Variants in LKAAEAR1 observed in about 807,000 individuals in gnomAD.
LKAAEAR1 encodes the protein LKAAEAR motif containing 1.
LKAAEAR1 carries 19 observed loss-of-function variants against 16.5 expected under a neutral mutation model. The ratio of observed to expected loss-of-function variants is 1.15; its 90% CI spans 0.80 to 1.69. LKAAEAR1 has a LOEUF of 1.69. Among genes scored for constraint, LKAAEAR1 ranks in the 40% most tolerant of loss-of-function variants. LKAAEAR1 has a pLI of 0.00. For missense variants in LKAAEAR1, 304 were observed against 315.8 expected (o/e 0.96, Z 0.28); for synonymous variants, 124 against 152.7 (o/e 0.81, Z 1.39).
Position 64,083,474 on chromosome 20 carries a change from G to A in LKAAEAR1, c.546C>T (p.Ile182=), listed in dbSNP as rs1159948061. The A allele has an allele frequency of 1.9e-6, 3 of 1,604,318 alleles. No homozygotes were observed. Among genetic ancestry groups the A allele is most frequent in the Non-Finnish European group, 1.7e-6 (2 of 1,176,418 alleles). The change falls in exon 3 of 3, where the codon ATC becomes ATT. Residue 182 remains isoleucine, a synonymous_variant. Transcript: ENST00000302096. The surrounding 1 kb of genome is among the most constrained non-coding windows in gnomAD (Gnocchi z 4.9). ...DRQERRRVET[I]LEENVDGTIF... is the part of the protein sequence containing the mutation. ...TGGTGCCATCCACGTTCTCCTCCAG[G>A]ATGGTCTCCACGCGCCTCCGCTGCC...
chr20:64,083,523 G>C lies in LKAAEAR1; in HGVS notation c.526-29C>G, dbSNP rs766099298. ...CCGGGGAGAGAGGCTGGGGTCCGGCGTGTGCGGAGGCGGGCAGGGCCCCTC... is the reference window on the plus strand; with the variant it reads ...CCGGGGAGAGAGGCTGGGGTCCGGCCTGTGCGGAGGCGGGCAGGGCCCCTC... On this transcript the variant is annotated intron_variant, in intron 2 of 2. Coordinates refer to ENST00000302096, the MANE Select transcript of LKAAEAR1 (RefSeq NM_001353425.2). This position sits in a 1 kb window ranked among gnomAD's most constrained non-coding sequence, Gnocchi z 4.9. The C allele has an allele frequency of 3.2e-6, 5 of 1,568,046 alleles. No individual in the cohort carries two copies. The African/African-American group carries it at 5.4e-5, about 17-fold the overall frequency.
At position 64,084,023 on chromosome 20, in the gene LKAAEAR1, C is replaced by G. The variant is rs767016519; in HGVS notation, c.197G>C (p.Gly66Ala). The change falls in exon 1 of 3, where the codon GGC (glycine) becomes GCC (alanine). Residue 66 changes from glycine (G) to alanine (A), a missense_variant. By Grantham distance (60) the Gly-to-Ala change is moderately conservative (BLOSUM62 0). Coordinates refer to ENST00000302096, the MANE Select transcript of LKAAEAR1 (RefSeq NM_001353425.2). ...CGCGCCCACGTCCTCCAGCAGGTCG[C>G]CGAAGAGCAGATGGCGGTGGCGCTG... is the stretch of plus-strand genomic sequence containing the variant. ...PAQRHRHLLF[G>A]DLLEDVGAAA... The G allele has an allele frequency of 2.1e-5, 31 of 1,503,700 alleles. No individual in the cohort carries two copies. The South Asian group carries it at 3.4e-4, about 16-fold the overall frequency. The allele number at this position is 1,503,700 out of a possible 1,614,324, so 93.1% of individuals were successfully genotyped here. A position where few individuals can be genotyped will look rare whatever the true frequency, so the allele number is the denominator to read the frequency against.
At position 64,083,601 on chromosome 20, in the gene LKAAEAR1, G is replaced by C. The variant is rs1455091263; in HGVS notation, c.507C>G (p.Asp169Glu). The C allele has an allele frequency of 1.3e-6, 2 of 1,486,302 alleles. No homozygotes were observed. The highest frequency in any genetic ancestry group is 1.3e-5 in the South Asian group (1 of 77,890). 92.1% of individuals were successfully genotyped at this position (1,486,302 alleles called of 1,614,324 possible). Residue 169 changes from aspartate (D) to glutamate (E), a missense_variant, in exon 2 of 3, where the codon GAC (aspartate) becomes GAG (glutamate). By Grantham distance (45) the Asp-to-Glu change is conservative. Transcript: ENST00000302096. The surrounding 1 kb of genome is among the most constrained non-coding windows in gnomAD (Gnocchi z 4.9). ...TCTGCACCTCTTGGCGGTCCAGGGG[G>C]TCCGGGATCCGCGCGGGCTTCAGCT... is the stretch of plus-strand genomic sequence containing the variant. The part of the protein sequence containing the change: ...PPQLKPARIP[D>E]PLDRQERRRV...
Position 64,084,174 on chromosome 20 carries a change from G to A in LKAAEAR1, c.46C>T (p.Arg16Ter). 1 of 1,449,758 alleles carries A rather than the reference G, an allele frequency of 6.9e-7. No homozygotes were observed. The highest frequency in any genetic ancestry group is 1.4e-5 in the South Asian group (1 of 73,908). 89.8% of individuals were successfully genotyped at this position (1,449,758 alleles called of 1,614,324 possible). A position where few individuals can be genotyped will look rare whatever the true frequency, so the allele number is the denominator to read the frequency against. Residue 16 changes from arginine to a stop codon, truncating the protein, a stop_gained, in exon 1 of 3, where the codon CGA becomes TGA. Transcript: ENST00000302096. LOFTEE classifies it high-confidence loss of function. ...GTGCCTGGCGCGCTCTTCCCGCTTC[G>A]CTCCCGCGGGCCCTTGCGCCCGCCC... ...KEGGRKGPRE[R>*]SGKSAPGTAQ...
Position 64,083,541 on chromosome 20 carries a change from G to T in LKAAEAR1, c.525+42C>A. 6.5e-7 allele frequency: 1 copy of T among 1,546,502 alleles called. No homozygotes were observed. The highest frequency in any genetic ancestry group is 8.7e-7 in the Non-Finnish European group (1 of 1,145,412). The stretch of plus-strand genomic sequence containing the variant: ...GTCCGGCGTGTGCGGAGGCGGGCAG[G>T]GCCCCTCCCCTTTCCCCGCCCCTAC... On this transcript the variant is annotated intron_variant, in intron 2 of 2. Coordinates refer to ENST00000302096, the MANE Select transcript of LKAAEAR1 (RefSeq NM_001353425.2). The surrounding 1 kb of genome is among the most constrained non-coding windows in gnomAD (Gnocchi z 4.9).
rs762691923 is a variant in LKAAEAR1 at position 64,083,520 on chromosome 20, G to C, written c.526-26C>G. The C allele has an allele frequency of 1.3e-5, 21 of 1,572,100 alleles. No individual in the cohort carries two copies. Among genetic ancestry groups the C allele is most frequent in the Non-Finnish European group, 1.8e-5 (21 of 1,159,754 alleles). ...CTGCCGGGGAGAGAGGCTGGGGTCC[G>C]GCGTGTGCGGAGGCGGGCAGGGCCC... is the stretch of plus-strand genomic sequence containing the variant. On this transcript the variant is annotated intron_variant, in intron 2 of 2. Coordinates refer to ENST00000302096, the MANE Select transcript of LKAAEAR1 (RefSeq NM_001353425.2). The surrounding 1 kb of genome is among the most constrained non-coding windows in gnomAD (Gnocchi z 4.9).
rs2059996124 is a variant in LKAAEAR1, at chr20:64,083,590, C to T, written c.518G>A (p.Arg173His). The change falls in exon 2 of 3, where the codon CGC (arginine) becomes CAC (histidine). Residue 173 changes from arginine (R) to histidine (H), a missense_variant. Physicochemically the swap from Arg to His is conservative, Grantham distance 29. Transcript: ENST00000302096. The surrounding 1 kb of genome is among the most constrained non-coding windows in gnomAD (Gnocchi z 4.9). ...KPARIPDPLDRQERRRVETIL... is the reference protein window; with the variant it reads ...KPARIPDPLDHQERRRVETIL... The stretch of plus-strand genomic sequence containing the variant: ...ACCGGGGCTTGTCTGCACCTCTTGG[C>T]GGTCCAGGGGGTCCGGGATCCGCGC... 1 of 1,505,158 alleles carries T rather than the reference C, an allele frequency of 6.6e-7. No individual in the cohort carries two copies. Among genetic ancestry groups the T allele is most frequent in the Non-Finnish European group, 8.9e-7 (1 of 1,126,576 alleles). 93.2% of individuals were successfully genotyped at this position (1,505,158 alleles called of 1,614,324 possible). A position where few individuals can be genotyped will look rare whatever the true frequency, so the allele number is the denominator to read the frequency against.
Position 64,084,226 on chromosome 20 carries a change from G to C in LKAAEAR1, c.-7C>G. On this transcript the variant is annotated 5_prime_UTR_variant, in exon 1 of 3. Coordinates refer to ENST00000302096, the MANE Select transcript of LKAAEAR1 (RefSeq NM_001353425.2). ...CCTTCGCTGGCGGCGGCATCCTCCC[G>C]CCCTGCGGAGGGAGGAGGGCGTCCC... The C allele has an allele frequency of 7.2e-7, 1 of 1,386,834 alleles. No homozygotes were observed. The highest frequency in any genetic ancestry group is 9.3e-7 in the Non-Finnish European group (1 of 1,078,026). The allele number at this position is 1,386,834 out of a possible 1,614,324, so 85.9% of individuals were successfully genotyped here. A position where few individuals can be genotyped will look rare whatever the true frequency, so the allele number is the denominator to read the frequency against.
chr20:64,083,857 C>A lies in LKAAEAR1; in HGVS notation c.363G>T (p.Gly121=). 1.4e-6 allele frequency: 2 copies of A among 1,413,886 alleles called. No homozygotes were observed. The highest frequency in any genetic ancestry group is 2.9e-5 in the South Asian group (2 of 68,206). 87.6% of individuals were successfully genotyped at this position (1,413,886 alleles called of 1,614,324 possible). A position where few individuals can be genotyped will look rare whatever the true frequency, so the allele number is the denominator to read the frequency against. The change falls in exon 1 of 3, where the codon GGG becomes GGT. Residue 121 remains glycine (G), a synonymous_variant. Transcript: ENST00000302096. The surrounding 1 kb of genome is among the most constrained non-coding windows in gnomAD (Gnocchi z 4.9). ...LGVLKAAEAR[G]RVRALRLRYT... ...AGCGCAGCCGCAGGGCGCGGACTCG[C>A]CCGCGGGCCTCCGCTGCCTTGAGGA... is the stretch of plus-strand genomic sequence containing the variant.
At position 64,083,791 on chromosome 20, in the gene LKAAEAR1, C is replaced by T; in HGVS notation, c.402+27G>A. The T allele has an allele frequency of 1.5e-6, 2 of 1,339,304 alleles. No homozygotes were observed. Among genetic ancestry groups the T allele is most frequent in the Non-Finnish European group, 1.9e-6 (2 of 1,051,358 alleles). The allele number at this position is 1,339,304 out of a possible 1,614,324, so 83.0% of individuals were successfully genotyped here. On this transcript the variant is annotated intron_variant, in intron 1 of 2. Transcript: ENST00000302096. The surrounding 1 kb of genome is among the most constrained non-coding windows in gnomAD (Gnocchi z 4.9). ...CCGCTCAACGCTCCCGGTGCGCCCCCTCTGCCCTCCGACCCCCTCGCCTCA... is the reference window on the plus strand; with the variant it reads ...CCGCTCAACGCTCCCGGTGCGCCCCTTCTGCCCTCCGACCCCCTCGCCTCA...
In LKAAEAR1 at chr20:64,083,944, G is replaced by A. The variant is rs1236269375; in HGVS notation, c.276C>T (p.Asp92=). The A allele has an allele frequency of 6.8e-7, 1 of 1,460,406 alleles. No homozygotes were observed. The highest frequency in any genetic ancestry group is 2.5e-5 in the Admixed American group (1 of 40,636). The allele number at this position is 1,460,406 out of a possible 1,614,324, so 90.5% of individuals were successfully genotyped here. ...GSVEPGYRMP[D]PRPWTQSLEL... ...CGAGCGACTGCGTCCACGGGCGCGG[G>A]TCGGGCATGCGGTACCCCGGTTCCA... The change falls in exon 1 of 3, where the codon GAC becomes GAT. Residue 92 remains aspartate (D), a synonymous_variant. Transcript: ENST00000302096. This position sits in a 1 kb window ranked among gnomAD's most constrained non-coding sequence, Gnocchi z 4.9.
Position 64,083,951 on chromosome 20 carries a change from A to G in LKAAEAR1, c.269T>C (p.Met90Thr). The change falls in exon 1 of 3, where the codon ATG (methionine) becomes ACG (threonine). Residue 90 changes from methionine (M) to threonine (T), a missense_variant. Coordinates refer to ENST00000302096, the MANE Select transcript of LKAAEAR1 (RefSeq NM_001353425.2). This position sits in a 1 kb window ranked among gnomAD's most constrained non-coding sequence, Gnocchi z 4.9. Reference protein sequence around the residue: ...PCGSVEPGYRMPDPRPWTQSL... With the variant: ...PCGSVEPGYRTPDPRPWTQSL... ...CTGCGTCCACGGGCGCGGGTCGGGC[A>G]TGCGGTACCCCGGTTCCACCGACCC... 1 of 1,464,612 alleles carries G rather than the reference A, an allele frequency of 6.8e-7. No individual in the cohort carries two copies. Among genetic ancestry groups the G allele is most frequent in the Non-Finnish European group, 9.0e-7 (1 of 1,114,500 alleles). 90.7% of individuals were successfully genotyped at this position (1,464,612 alleles called of 1,614,324 possible).
In LKAAEAR1 at chr20:64,083,977, G is replaced by C. The variant is rs1267139814; in HGVS notation, c.243C>G (p.Cys81Trp). 1 of 1,469,760 alleles carries C rather than the reference G, an allele frequency of 6.8e-7. No homozygotes were observed. Among genetic ancestry groups the C allele is most frequent in the Non-Finnish European group, 8.9e-7 (1 of 1,118,318 alleles). 91.0% of individuals were successfully genotyped at this position (1,469,760 alleles called of 1,614,324 possible). ...TGCGGTACCCCGGTTCCACCGACCC[G>C]CACGGGAAGGTGGAGGCCGCCGCGC... The part of the protein sequence containing the change: ...DVGAAASTFP[C>W]GSVEPGYRMP... The change falls in exon 1 of 3, where the codon TGC becomes TGG. Residue 81 changes from cysteine to tryptophan, a missense_variant. Physicochemically the swap from Cys to Trp is radical, Grantham distance 215 (BLOSUM62 -2). Transcript: ENST00000302096. This position sits in a 1 kb window ranked among gnomAD's most constrained non-coding sequence, Gnocchi z 4.9.
chr20:64,083,791 C>G lies in LKAAEAR1; in HGVS notation c.402+27G>C, dbSNP rs1426177109. 1.5e-6 allele frequency: 2 copies of G among 1,339,194 alleles called. No homozygotes were observed. The highest frequency in any genetic ancestry group is 1.9e-6 in the Non-Finnish European group (2 of 1,051,368). 83.0% of individuals were successfully genotyped at this position (1,339,194 alleles called of 1,614,324 possible). ...CCGCTCAACGCTCCCGGTGCGCCCCCTCTGCCCTCCGACCCCCTCGCCTCA... is the reference window on the plus strand; with the variant it reads ...CCGCTCAACGCTCCCGGTGCGCCCCGTCTGCCCTCCGACCCCCTCGCCTCA... On this transcript the variant is annotated intron_variant, in intron 1 of 2. Coordinates refer to ENST00000302096, the MANE Select transcript of LKAAEAR1 (RefSeq NM_001353425.2). This position sits in a 1 kb window ranked among gnomAD's most constrained non-coding sequence, Gnocchi z 4.9.
At position 64,084,261 on chromosome 20, in the gene LKAAEAR1, G is replaced by A. The variant is rs1221053242; in HGVS notation, c.-42C>T. On this transcript the variant is annotated 5_prime_UTR_variant, in exon 1 of 3. Transcript: ENST00000302096. ...GGGAGGAGGGCGTCCCGTCGGTGCC[G>A]GGGCTGGCACCGGGCCCTGCCCGCC... 3.0e-6 allele frequency: 4 copies of A among 1,343,726 alleles called. No homozygotes were observed. The highest frequency in any genetic ancestry group is 3.8e-6 in the Non-Finnish European group (4 of 1,053,188). 83.2% of individuals were successfully genotyped at this position (1,343,726 alleles called of 1,614,324 possible).
Position 64,084,272 on chromosome 20 carries a change from C to T in LKAAEAR1, c.-53G>A. On this transcript the variant is annotated 5_prime_UTR_variant, in exon 1 of 3. Transcript: ENST00000302096. ...GTCCCGTCGGTGCCGGGGCTGGCAC[C>T]GGGCCCTGCCCGCCCCTCGGCAGGG... 7.5e-7 allele frequency: 1 copy of T among 1,329,096 alleles called. No homozygotes were observed. Among genetic ancestry groups the T allele is most frequent in the Non-Finnish European group, 9.6e-7 (1 of 1,044,050 alleles). The allele number at this position is 1,329,096 out of a possible 1,614,324, so 82.3% of individuals were successfully genotyped here.
At position 64,084,247 on chromosome 20, in the gene LKAAEAR1, G is replaced by A. The variant is rs1196410443; in HGVS notation, c.-28C>T. ...TCCCGCCCTGCGGAGGGAGGAGGGC[G>A]TCCCGTCGGTGCCGGGGCTGGCACC... On this transcript the variant is annotated 5_prime_UTR_variant, in exon 1 of 3. In the 5' UTR this introduces an upstream ATG that the reference lacks. Coordinates refer to ENST00000302096, the MANE Select transcript of LKAAEAR1 (RefSeq NM_001353425.2). 2 of 1,355,672 alleles carry A rather than the reference G, an allele frequency of 1.5e-6. No homozygotes were observed. Among genetic ancestry groups the A allele is most frequent in the South Asian group, 1.7e-5 (1 of 57,270 alleles). 84.0% of individuals were successfully genotyped at this position (1,355,672 alleles called of 1,614,324 possible).
chr20:64,083,937 G>T lies in LKAAEAR1; in HGVS notation c.283C>A (p.Pro95Thr). 1 of 1,456,966 alleles carries T rather than the reference G, an allele frequency of 6.9e-7. No homozygotes were observed. The highest frequency in any genetic ancestry group is 9.0e-7 in the Non-Finnish European group (1 of 1,109,860). 90.3% of individuals were successfully genotyped at this position (1,456,966 alleles called of 1,614,324 possible). ...GGCAGCTCGAGCGACTGCGTCCACG[G>T]GCGCGGGTCGGGCATGCGGTACCCC... Reference protein sequence around the residue: ...EPGYRMPDPRPWTQSLELPAE... With the variant: ...EPGYRMPDPRTWTQSLELPAE... The change falls in exon 1 of 3, where the codon CCG (proline) becomes ACG (threonine). Residue 95 changes from proline (P) to threonine (T), a missense_variant. By Grantham distance (38) the Pro-to-Thr change is conservative. Coordinates refer to ENST00000302096, the MANE Select transcript of LKAAEAR1 (RefSeq NM_001353425.2). The surrounding 1 kb of genome is among the most constrained non-coding windows in gnomAD (Gnocchi z 4.9).
At chr20:64,084,613 C>A (rs4527258), upstream of LKAAEAR1, among the ~76,000 whole-genome samples, 3,535 of 152,306 alleles carry the variant, frequency 0.023, 57 homozygotes, top group Non-Finnish European at 0.034. Flanking sequence ...TCGTTGTGCC[C>A]CTATGTCTGC....
Sources: allele counts gnomAD v4.1 joint callset (sites outside exome capture counted in the v4.1 genomes callset), GRCh38; gene constraint gnomAD v4.1.1; non-coding constraint Gnocchi (gnomAD v3.1); transcripts MANE v1.5; gene names NCBI Gene and HGNC (gene_info 2026-07-23, HGNC 2026-07-21).